The following SCNN1B variants were observed in gnomAD, a reference collection of about 807,000 sequenced individuals.
SCNN1B encodes epithelial sodium channel subunit beta.
Under a neutral mutation model 65.3 loss-of-function variants are expected in SCNN1B, and 46 were observed. The ratio of observed to expected loss-of-function variants is 0.70; its 90% CI spans 0.56 to 0.90. SCNN1B has a LOEUF of 0.90. SCNN1B is among the 40% of genes least tolerant of loss of function. The pLI is 0.00. For synonymous variants in SCNN1B, 349 were observed against 330.6 expected (o/e 1.06, Z -0.60); for missense variants, 751 against 830.5 (o/e 0.90, Z 1.18).
intron 5 of SCNN1B, among the ~76,000 whole-genome samples, chr16:23,369,552 T>A (rs573637659): frequency 6.6e-6 from 1 of 152,132 alleles, no homozygotes; most frequent in South Asian, 2.1e-4. Context: ...GTTTTGCGGC[T>A]TGTGAGCCGG....
intron 2 of SCNN1B, among the ~76,000 whole-genome samples, chr16:23,287,031 T>C (rs1404900434): frequency 6.7e-6 from 1 of 149,282 alleles, no homozygotes; most frequent in Non-Finnish European, 1.5e-5. Context: ...TGAGACAGAG[T>C]TTTGCTCTTG....
At chr16:23,317,386 A>G (rs1961494181) in intron 1 of SCNN1B, among the ~76,000 whole-genome samples, 1 of 152,218 alleles carries the variant, frequency 6.6e-6, no homozygotes, top group Non-Finnish European at 1.5e-5. Context: ...GATTGCAAGA[A>G]GTAGGTGTTG....
chr16:23,352,869 TG>T lies in SCNN1B; in HGVS notation c.382del (p.Ala128LeufsTer4), dbSNP rs1341425977. ...ATGGAAGCTGTCCTGGAGAGAATCCTGGCTCCTGAGCTAAGCCATGCCAATG... is the reference window on the plus strand; with the variant it reads ...ATGGAAGCTGTCCTGGAGAGAATCCTGCTCCTGAGCTAAGCCATGCCAATG... Reference protein sequence around the residue: ...ELMEAVLERILAPELSHANAT... With the variant: ...ELMEAVLERIXAPELSHANAT... On this transcript the variant is annotated frameshift_variant, in exon 3 of 13. Coordinates refer to ENST00000343070, the MANE Select transcript of SCNN1B (RefSeq NM_000336.3). LOFTEE classifies it high-confidence loss of function. 12 of 1,614,212 alleles carry T rather than the reference TG, an allele frequency of 7.4e-6. No homozygotes were observed. The highest frequency in any genetic ancestry group is 1.0e-5 in the Non-Finnish European group (12 of 1,180,040).
intron 1 of SCNN1B, among the ~76,000 whole-genome samples, chr16:23,335,951 C>G (rs1347488104): frequency 6.6e-6 from 1 of 152,132 alleles, no homozygotes; most frequent in African/African-American, 2.4e-5. Flanking sequence ...GGGAGCACCC[C>G]TAGATGTCAG....
chr16:23,301,200 C>CA (rs1052979532), upstream of SCNN1B, among the ~76,000 whole-genome samples: 15 of 151,598 alleles, frequency 9.9e-5, no homozygotes, highest in African/African-American at 3.6e-4. Flanking sequence ...CCCATCTCTA[C>CA]AAAAAACACA....
intron 1 of SCNN1B, among the ~76,000 whole-genome samples, chr16:23,339,696 G>C (rs947897159): frequency 6.6e-6 from 1 of 151,812 alleles, no homozygotes; most frequent in Admixed American, 6.6e-5. Context: ...CTCCCAAGTA[G>C]CTGGGATTAC....
At chr16:23,363,360 G>A (rs1962589708) in intron 4 of SCNN1B, among the ~76,000 whole-genome samples, 1 of 152,210 alleles carries the variant, frequency 6.6e-6, no homozygotes, top group African/African-American at 2.4e-5. Context: ...AAGCTCACCA[G>A]CTGCTAAGGG....
intron 1 of SCNN1B, among the ~76,000 whole-genome samples, chr16:23,335,503 C>T (rs1228358010): frequency 3.3e-5 from 5 of 149,306 alleles, no homozygotes; most frequent in African/African-American, 5.0e-5. Context: ...TCGCCCAGGC[C>T]GGAGGGCAGG....
At chr16:23,342,793 C>T (rs896035008) in intron 1 of SCNN1B, among the ~76,000 whole-genome samples, 5 of 152,132 alleles carry the variant, frequency 3.3e-5, no homozygotes, top group African/African-American at 1.2e-4. Context: ...TATGAAACAT[C>T]CAAAACAGGC....
In SCNN1B at chr16:23,287,165, C is replaced by T. The variant is rs559119549; in HGVS notation, n.178+3361C>T. Among the ~76,000 whole-genome samples the T allele has an allele frequency of 1.5e-3, 224 of 151,800 alleles. 1 individual carries two copies. The highest frequency in any genetic ancestry group is 4.3e-3 in the African/African-American group (180 of 41,430). ...AATTACAGGCACCTACCACCACGCC[C>T]GGCTAATTTTTATATTTTTAGTAGT... On this transcript the variant is annotated intron_variant and non_coding_transcript_variant, in intron 2 of 3. Transcript: ENST00000569789.
intron 1 of SCNN1B, among the ~76,000 whole-genome samples, chr16:23,280,868 A>T (rs1418475356): frequency 6.6e-6 from 1 of 152,210 alleles, no homozygotes; most frequent in Non-Finnish European, 1.5e-5. Context: ...CACACAAACG[A>T]TCTGCAAATA....
intron 1 of SCNN1B, among the ~76,000 whole-genome samples, chr16:23,345,009 AAGAGAG>A (rs112886828): frequency 9.4e-5 from 14 of 148,890 alleles, no homozygotes; most frequent in African/African-American, 2.2e-4. Context: ...AGGAGAGAGA[AAGAGAG>A]AGAGAGAGAG....
chr16:23,325,731 A>G (rs1421154680), intron 1 of SCNN1B, among the ~76,000 whole-genome samples: 1 of 152,006 alleles, frequency 6.6e-6, no homozygotes, highest in East Asian at 1.9e-4. Context: ...GCATCTCCCC[A>G]GATCCTTACA....
chr16:23,316,763 A>T (rs1405392022), intron 1 of SCNN1B, among the ~76,000 whole-genome samples: 1 of 148,798 alleles, frequency 6.7e-6, no homozygotes, highest in Non-Finnish European at 1.5e-5. Flanking sequence ...CCTCACCATC[A>T]TCACCATCAC....
At chr16:23,359,306 AG>A (rs1962485603) in intron 4 of SCNN1B, 1 of 152,248 alleles carries the variant, frequency 6.6e-6, no homozygotes, top group Non-Finnish European at 1.5e-5. Flanking sequence ...TGGCAGAGCT[AG>A]CAGTCTGGGC....
At chr16:23,287,775 T>C (rs965313630) in intron 2 of SCNN1B, among the ~76,000 whole-genome samples, 2 of 151,880 alleles carry the variant, frequency 1.3e-5, no homozygotes, top group African/African-American at 4.8e-5. Flanking sequence ...TCATTTTGTT[T>C]TGTGACATGA....
chr16:23,375,382 T>C (rs1324943800), intron 7 of SCNN1B, among the ~76,000 whole-genome samples: 1 of 152,034 alleles, frequency 6.6e-6, no homozygotes, highest in South Asian at 2.1e-4. Context: ...GAGGCTGGCA[T>C]CCTCATAATG....
At chr16:23,356,560 G>T (rs1426635081) in intron 4 of SCNN1B, among the ~76,000 whole-genome samples, 1 of 151,530 alleles carries the variant, frequency 6.6e-6, no homozygotes, top group Admixed American at 6.6e-5. Flanking sequence ...GGAGGTCGAA[G>T]CTACAGTGAG....
chr16:23,376,595 C>G (rs940513480), intron 8 of SCNN1B, among the ~76,000 whole-genome samples: 1 of 151,776 alleles, frequency 6.6e-6, no homozygotes, highest in Non-Finnish European at 1.5e-5. Flanking sequence ...GGAGCCCTGG[C>G]GGTCTGGAGT....
Sources: allele counts gnomAD v4.1 joint callset (sites outside exome capture counted in the v4.1 genomes callset), GRCh38; gene constraint gnomAD v4.1.1; transcripts MANE v1.5; gene names NCBI Gene and HGNC (gene_info 2026-07-23, HGNC 2026-07-21).